The following BAZ2B variants were observed in gnomAD, a reference collection of about 807,000 sequenced individuals.
The protein encoded by BAZ2B is bromodomain adjacent to zinc finger domain 2B, also known as bromodomain adjacent to zinc finger domain protein 2B.
In BAZ2B, 91 loss-of-function variants were observed where a neutral mutation model predicts 246.0. The observed-to-expected ratio is 0.37, with a 90% CI of 0.31 to 0.44. The LOEUF (loss-of-function observed/expected upper bound fraction) is 0.44, where lower values mean the gene tolerates loss of function less well. Ranked by LOEUF, BAZ2B falls within the 20% of genes least tolerant of loss-of-function variation. BAZ2B has a pLI of 1.00. For missense variants in BAZ2B, 2,332 were observed against 2,533.7 expected (o/e 0.92, Z 1.71); for synonymous variants, 855 against 860.0 (o/e 0.99, Z 0.10).
chr2:159,459,569 A>G (rs1342831434), intron 3 of BAZ2B: 3 of 152,178 alleles, frequency 2.0e-5, no homozygotes, highest in Admixed American at 6.5e-5. Context: ...GTCTTCAACT[A>G]TCTTAACATT....
intron 13 of BAZ2B, among the ~76,000 whole-genome samples, chr2:159,427,677 C>G (rs552266493): frequency 6.6e-6 from 1 of 151,920 alleles, no homozygotes; most frequent in South Asian, 2.1e-4. Flanking sequence ...GCTTTTATAC[C>G]TATATAAACT....
At chr2:159,592,202 A>AT (rs1559856388) in intron 1 of BAZ2B, among the ~76,000 whole-genome samples, 2 of 152,276 alleles carry the variant, frequency 1.3e-5, no homozygotes, top group Non-Finnish European at 2.9e-5. Flanking sequence ...GATATACTGC[A>AT]TATCAATAAA....
At chr2:159,575,823 T>A (rs1559814981) in intron 1 of BAZ2B, among the ~76,000 whole-genome samples, 1 of 152,086 alleles carries the variant, frequency 6.6e-6, no homozygotes, top group Non-Finnish European at 1.5e-5. Context: ...AAGAAAAAAA[T>A]TTTAACATGA....
At chr2:159,669,126 A>C in the BAZ2B span, among the ~76,000 whole-genome samples, 3 of 152,032 alleles carry the variant, frequency 2.0e-5, no homozygotes, top group African/African-American at 4.8e-5. Context: ...CTTTATCTAC[A>C]TTCCTCAAGT....
At chr2:159,673,156 T>C in the BAZ2B span, among the ~76,000 whole-genome samples, 1 of 152,140 alleles carries the variant, frequency 6.6e-6, no homozygotes, top group Non-Finnish European at 1.5e-5. Flanking sequence ...AAGTCTTAGA[T>C]AACCAATTAA....
chr2:159,687,208 T>C, the BAZ2B span, among the ~76,000 whole-genome samples: 7 of 152,190 alleles, frequency 4.6e-5, no homozygotes, highest in Non-Finnish European at 8.8e-5. Flanking sequence ...ACAAACTTTA[T>C]AAAACTCTGG....
rs188449372 is a variant in BAZ2B at position 159,355,071 on chromosome 2, C to A, written c.4214-4714G>T. Among the ~76,000 whole-genome samples the A allele has an allele frequency of 1.4e-3, 215 of 152,314 alleles. 1 individual carries two copies. The highest frequency in any genetic ancestry group is 4.7e-3 in the African/African-American group (194 of 41,564). ...GTCAATCATTCTTGCTTCCAGTGAA[C>A]CATCTTTCCTTTGGCTCCCCTTAGT... On this transcript the variant is annotated intron_variant, in intron 27 of 36. Coordinates refer to ENST00000392783, the MANE Select transcript of BAZ2B (RefSeq NM_013450.4).
chr2:159,454,110 TAATA>T (rs2075426119), intron 3 of BAZ2B, among the ~76,000 whole-genome samples: 1 of 152,092 alleles, frequency 6.6e-6, no homozygotes. Flanking sequence ...AATTTTCTGT[TAATA>T]TATATACATT....
At chr2:159,584,264 A>C (rs72960256) in intron 1 of BAZ2B, among the ~76,000 whole-genome samples, 36,702 of 151,908 alleles carry the variant, frequency 0.24, 5,657 homozygotes, top group Admixed American at 0.39. Context: ...TGGGACTACA[A>C]GCATGTGCCA....
intron 3 of BAZ2B, among the ~76,000 whole-genome samples, chr2:159,470,793 G>C (rs1256526273): frequency 6.6e-6 from 1 of 152,144 alleles, no homozygotes; most frequent in African/African-American, 2.4e-5. Context: ...GAATGTGAAG[G>C]AAACAGGTTT....
chr2:159,385,130 C>A (rs371674967), intron 23 of BAZ2B, 25 bp downstream of exon 23: 30 of 1,569,348 alleles, frequency 1.9e-5, no homozygotes, highest in Non-Finnish European at 2.3e-5. Context: ...GGAAAAATCA[C>A]GGAAAAGCCT....
chr2:159,328,279 C>T (rs936841808), intron 34 of BAZ2B, among the ~76,000 whole-genome samples: 4 of 152,016 alleles, frequency 2.6e-5, no homozygotes, highest in African/African-American at 9.7e-5. Context: ...ACCCCCATCA[C>T]CTTTTCTTGG....
chr2:159,446,918 G>A lies in BAZ2B; in HGVS notation c.560C>T (p.Ser187Phe), dbSNP rs1277384530. 6.2e-7 allele frequency: 1 copy of A among 1,608,696 alleles called. No individual in the cohort carries two copies. Among genetic ancestry groups the A allele is most frequent in the South Asian group, 1.1e-5 (1 of 89,868 alleles). Residue 187 changes from serine to phenylalanine, a missense_variant, in exon 6 of 37, where the codon TCT (serine) becomes TTT (phenylalanine). By Grantham distance (155) the Ser-to-Phe change is radical. Transcript: ENST00000392783. Reference sequence around the variant, plus strand: ...ACTTGAAGCAGTAGTGGATAGTACAGATGTGTTGATACCAATTACAGATGA... The same window carrying A: ...ACTTGAAGCAGTAGTGGATAGTACAAATGTGTTGATACCAATTACAGATGA... Reference protein sequence around the residue: ...NTSSVIGINTSVLSTTASSSM... With the variant: ...NTSSVIGINTFVLSTTASSSM...
At chr2:159,361,370 T>C (rs2059674348) in intron 27 of BAZ2B, among the ~76,000 whole-genome samples, 1 of 152,196 alleles carries the variant, frequency 6.6e-6, no homozygotes, top group Non-Finnish European at 1.5e-5. Context: ...TCATGGGTCA[T>C]TAGAGAAATG....
At chr2:159,336,258 G>A (rs2065651881) in intron 33 of BAZ2B, among the ~76,000 whole-genome samples, 1 of 152,190 alleles carries the variant, frequency 6.6e-6, no homozygotes, top group Admixed American at 6.5e-5. Flanking sequence ...AGGGACACTT[G>A]TACATGATTT....
intron 20 of BAZ2B, chr2:159,395,462 C>T (rs1283026260): frequency 5.2e-6 from 1 of 191,378 alleles, no homozygotes; most frequent in African/African-American, 2.3e-5. Context: ...TCTAGGCATG[C>T]TGTAATACTA....
chr2:159,407,207 C>G (rs913645905), intron 14 of BAZ2B, among the ~76,000 whole-genome samples: 1 of 151,928 alleles, frequency 6.6e-6, no homozygotes, highest in African/African-American at 2.4e-5. Context: ...CACAGTGGCT[C>G]ATGCCTGTAA....
rs540500285 is a variant in BAZ2B, at chr2:159,413,444, C to T, written c.2467-899G>A. ...CGGACTGGCCGGGCACAGTGGCTCA[C>T]GACCTGTAATCCCAGCACTTTGGGA... On this transcript the variant is annotated intron_variant, in intron 13 of 36. Coordinates refer to ENST00000392783, the MANE Select transcript of BAZ2B (RefSeq NM_013450.4). Among the ~76,000 whole-genome samples, 30 of 152,200 alleles carry T rather than the reference C, an allele frequency of 2.0e-4. No homozygotes were observed. In the East Asian group the frequency reaches 5.2e-3, roughly 26 times the overall value.
chr2:159,631,285 A>T, the BAZ2B span, among the ~76,000 whole-genome samples: 1 of 152,232 alleles, frequency 6.6e-6, no homozygotes, highest in Non-Finnish European at 1.5e-5. Context: ...AAACTCTGTG[A>T]TACTGAATTT....
Sources: gnomAD v4.1 joint callset for allele counts (sites outside exome capture counted in the v4.1 genomes callset) on GRCh38, gnomAD v4.1.1 for gene constraint, MANE v1.5 for transcripts, NCBI Gene and HGNC (gene_info 2026-07-23, HGNC 2026-07-21) for gene names.